The following ANKFN1 variants were observed in gnomAD, a reference collection of about 807,000 sequenced individuals.
ANKFN1 encodes the protein ankyrin repeat and fibronectin type III domain containing 1.
Under a neutral mutation model 108.7 loss-of-function variants are expected in ANKFN1, and 74 were observed. The observed-to-expected ratio is 0.68, with a 90% CI of 0.56 to 0.83. The LOEUF is 0.83. Among genes scored for constraint, ANKFN1 ranks in the 40% least tolerant of loss-of-function variants. ANKFN1 has a pLI of 0.00. For missense variants in ANKFN1, 1,505 were observed against 1,382.3 expected (o/e 1.09, Z -1.41); for synonymous variants, 547 against 516.2 (o/e 1.06, Z -0.81).
chr17:56,420,683 CT>C (rs755355387), intron 8 of ANKFN1, among the ~76,000 whole-genome samples: 12,965 of 119,652 alleles, frequency 0.11, 1,224 homozygotes, highest in African/African-American at 0.29. Context: ...CTGACTCCTT[CT>C]TTTTTTTTTT....
intron 2 of ANKFN1, among the ~76,000 whole-genome samples, chr17:56,217,963 G>A (rs1441617416): frequency 6.6e-6 from 1 of 152,072 alleles, no homozygotes; most frequent in Non-Finnish European, 1.5e-5. Context: ...CAAATTCAAC[G>A]TGTCTAAAAC....
intron 1 of ANKFN1, among the ~76,000 whole-genome samples, chr17:56,170,593 T>A (rs1252008526): frequency 6.6e-6 from 1 of 151,286 alleles, no homozygotes; most frequent in Non-Finnish European, 1.5e-5. Context: ...TGAAACCCCA[T>A]GTCTACTAAA....
At chr17:56,359,270 A>G (rs1010253001) in intron 6 of ANKFN1, among the ~76,000 whole-genome samples, 2 of 152,182 alleles carry the variant, frequency 1.3e-5, no homozygotes, top group Admixed American at 1.3e-4. Flanking sequence ...TGTAGGGAAA[A>G]AAACCTTCAA....
At chr17:56,139,216 A>G (rs1421156456) in intron 4 of ANKFN1, among the ~76,000 whole-genome samples, 3 of 152,240 alleles carry the variant, frequency 2.0e-5, no homozygotes, top group African/African-American at 4.8e-5. Flanking sequence ...CAAACAAACA[A>G]TAAAGTGATC....
chr17:56,442,793 G>A, intron 9 of ANKFN1, 50 bp from the exon 10 acceptor site: 1 of 1,546,094 alleles, frequency 6.5e-7, no homozygotes, highest in Non-Finnish European at 8.9e-7. Flanking sequence ...AGAGTCTAGG[G>A]TAAAAATGAT....
chr17:56,511,359 T>C lies in ANKFN1; in HGVS notation c.*90T>C. The C allele has an allele frequency of 1.6e-6, 2 of 1,267,108 alleles. No individual in the cohort carries two copies. The highest frequency in any genetic ancestry group is 2.1e-6 in the Non-Finnish European group (2 of 945,994). 78.5% of individuals were successfully genotyped at this position (1,267,108 alleles called of 1,614,324 possible). ...CCATCCTGCCCCACTGTGTACCCAC[T>C]CATTTTCAAGCGTTTTGAATGTTAT... On this transcript the variant is annotated 3_prime_UTR_variant, in exon 21 of 21. Transcript: ENST00000682825.
At chr17:56,312,005 G>A (rs1228967966) in intron 3 of ANKFN1, among the ~76,000 whole-genome samples, 2 of 152,090 alleles carry the variant, frequency 1.3e-5, no homozygotes, top group Non-Finnish European at 2.9e-5. Flanking sequence ...CAGGCCTATG[G>A]TTCACCTGAA....
chr17:56,345,663 A>C (rs766816114), intron 4 of ANKFN1, among the ~76,000 whole-genome samples: 2 of 152,048 alleles, frequency 1.3e-5, no homozygotes, highest in African/African-American at 2.4e-5. Flanking sequence ...TCTTTTTTTC[A>C]TATGTTTGTT....
rs1392294548 is a variant in ANKFN1, at chr17:56,117,906, C to T, written c.288+71581C>T. Reference sequence around the variant, plus strand: ...TATCCATCTCTGCCAATTCTCCAGGCCTGGCTACCAGACTCATTGACTTTC... The same window carrying T: ...TATCCATCTCTGCCAATTCTCCAGGTCTGGCTACCAGACTCATTGACTTTC... On this transcript the variant is annotated intron_variant, in intron 4 of 12. Transcript: ENST00000635860. Among the ~76,000 whole-genome samples, 5 of 152,212 alleles carry T rather than the reference C, an allele frequency of 3.3e-5. No individual in the cohort carries two copies. In the East Asian group the frequency reaches 9.6e-4, roughly 29 times the overall value.
chr17:56,240,331 A>T (rs1917484179), intron 3 of ANKFN1, among the ~76,000 whole-genome samples: 1 of 152,054 alleles, frequency 6.6e-6, no homozygotes, highest in African/African-American at 2.4e-5. Flanking sequence ...GTCAGTCAAC[A>T]TTATGTTTTT....
At chr17:56,465,677 A>G (rs2050048669) in intron 14 of ANKFN1, among the ~76,000 whole-genome samples, 1 of 152,224 alleles carries the variant, frequency 6.6e-6, no homozygotes, top group Non-Finnish European at 1.5e-5. Flanking sequence ...AGGAATAACT[A>G]CCTGAGCCCC....
At chr17:56,410,349 C>A (rs2048055057) in intron 8 of ANKFN1, among the ~76,000 whole-genome samples, 2 of 152,160 alleles carry the variant, frequency 1.3e-5, no homozygotes, top group Non-Finnish European at 2.9e-5. Context: ...CCCACCTCGG[C>A]CTCCCAAAGT....
At chr17:56,332,195 C>T (rs1211614434) in intron 4 of ANKFN1, among the ~76,000 whole-genome samples, 5 of 152,058 alleles carry the variant, frequency 3.3e-5, no homozygotes, top group African/African-American at 7.2e-5. Context: ...TATCAAAACA[C>T]GCCCTCTCCC....
chr17:56,139,824 C>T (rs915805889), intron 4 of ANKFN1, among the ~76,000 whole-genome samples: 3 of 152,138 alleles, frequency 2.0e-5, no homozygotes, highest in Admixed American at 6.5e-5. Context: ...ATCATCGTCC[C>T]TTGGTTTCCA....
chr17:56,215,095 C>T (rs909051566), intron 2 of ANKFN1, among the ~76,000 whole-genome samples: 4 of 152,188 alleles, frequency 2.6e-5, no homozygotes, highest in African/African-American at 9.7e-5. Context: ...TATCTATCAT[C>T]CTCGTCTCCA....
intron 8 of ANKFN1, among the ~76,000 whole-genome samples, chr17:56,404,399 G>A (rs1259574159): frequency 6.6e-6 from 1 of 152,090 alleles, no homozygotes; most frequent in Non-Finnish European, 1.5e-5. Context: ...TTAATTTGAA[G>A]ACCTTGTCTT....
intron 3 of ANKFN1, among the ~76,000 whole-genome samples, chr17:56,294,075 G>C (rs1014985261): frequency 6.6e-6 from 1 of 152,148 alleles, no homozygotes. Flanking sequence ...GCAAATTGTT[G>C]GTTCACCTCC....
rs761176373 is a variant in ANKFN1, at chr17:56,457,301, T to C, written c.1352T>C (p.Leu451Ser). ...ATATTTTATTACAAAGACAATATCT[T>C]AGTCACCAATGAAGATCAAGTACCA... ...AVIFYYKDNILVTNEDQVPIV... is the reference protein window; with the variant it reads ...AVIFYYKDNISVTNEDQVPIV... Residue 451 changes from leucine (L) to serine (S), a missense_variant, in exon 13 of 21, where the codon TTA (leucine) becomes TCA (serine). Leu to Ser is a moderately radical substitution (Grantham distance 145). Transcript: ENST00000682825. 1 of 1,601,442 alleles carries C rather than the reference T, an allele frequency of 6.2e-7. No individual in the cohort carries two copies.
intron 8 of ANKFN1, among the ~76,000 whole-genome samples, chr17:56,382,521 A>G (rs2047135560): frequency 6.6e-6 from 1 of 152,236 alleles, no homozygotes; most frequent in Admixed American, 6.5e-5. Flanking sequence ...TCCAATTAAA[A>G]GACACAGACT....
Sources: allele counts gnomAD v4.1 joint callset (sites outside exome capture counted in the v4.1 genomes callset), GRCh38; gene constraint gnomAD v4.1.1; transcripts MANE v1.5; gene names NCBI Gene and HGNC (gene_info 2026-07-23, HGNC 2026-07-21).